Variants in COL6A2 observed in about 807,000 individuals in gnomAD.
COL6A2 encodes collagen alpha-2(VI) chain.
A neutral mutation model predicts 124.9 loss-of-function variants in COL6A2; 90 were observed. The observed-to-expected ratio is 0.72, with a 90% CI of 0.61 to 0.86. The LOEUF (loss-of-function observed/expected upper bound fraction) is 0.86. COL6A2 is among the 40% of genes least tolerant of loss of function. COL6A2 has a pLI of 0.00. For synonymous variants in COL6A2, 793 were observed against 618.2 expected, an observed-to-expected ratio of 1.28 and a Z score of -4.19; for missense variants, 1,607 against 1,502.5, an observed-to-expected ratio of 1.07 and a Z score of -1.15.
At chr21:46,127,838 C>T (rs946318064) in intron 27 of COL6A2, among the ~76,000 whole-genome samples, 1 of 152,184 alleles carries the variant, frequency 6.6e-6, no homozygotes, top group Admixed American at 6.5e-5. Flanking sequence ...TGTCACGTGA[C>T]CTTTCCTCTT....
At chr21:46,118,918 C>G in intron 13 of COL6A2, 112 bp from the exon 14 acceptor site, 3 of 1,016,030 alleles carry the variant, frequency 3.0e-6, no homozygotes, top group Non-Finnish European at 3.0e-6. Context: ...ATGTGCCTGG[C>G]AAGCAGATTC....
chr21:46,125,648 C>CG (rs753358854), intron 25 of COL6A2, 31 bp downstream of exon 25: 11 of 571,674 alleles, frequency 1.9e-5, no homozygotes, highest in Non-Finnish European at 2.9e-5. Flanking sequence ...TGCAGCATTG[C>CG]GGGGGGCCGG....
Position 46,112,462 on chromosome 21 carries a change from G to T in COL6A2, c.599G>T (p.Gly200Val), listed in dbSNP as rs1382448759. Reference sequence around the variant, plus strand: ...CCCAACCAGAACCTGAAGGAGCAGGGCCTGCGGGACATCGCCAGCACGCCG... The same window carrying T: ...CCCAACCAGAACCTGAAGGAGCAGGTCCTGCGGGACATCGCCAGCACGCCG... The part of the protein sequence containing the change: ...VAPNQNLKEQ[G>V]LRDIASTPHE... Residue 200 changes from glycine to valine, a missense_variant, in exon 3 of 28, where the codon GGC (glycine) becomes GTC (valine). Gly to Val is a moderately radical substitution (Grantham distance 109). Transcript: ENST00000300527. 1 of 1,610,660 alleles carries T rather than the reference G, an allele frequency of 6.2e-7. No individual in the cohort carries two copies. Among genetic ancestry groups the T allele is most frequent in the Admixed American group, 1.7e-5 (1 of 59,988 alleles).
chr21:46,100,566 C>T (rs2078278474), intron 1 of COL6A2, among the ~76,000 whole-genome samples: 1 of 152,146 alleles, frequency 6.6e-6, no homozygotes, highest in East Asian at 1.9e-4. Context: ...CGCATCACCC[C>T]TTCCCTCCCC....
rs369570961 is a variant in COL6A2 at position 46,122,949 on chromosome 21, C to T, written c.1671+12C>T. ...AGAAAGGAGAGCCTGTGAGTGTCAC[C>T]GTCCCGAAGCCCACAGCAGCTGGGC... is the stretch of plus-strand genomic sequence containing the variant. On this transcript the variant is annotated intron_variant, in intron 21 of 27. Transcript: ENST00000300527. 73 of 1,612,210 alleles carry T rather than the reference C, an allele frequency of 4.5e-5. No individual in the cohort carries two copies. The highest frequency in any genetic ancestry group is 5.4e-5 in the Non-Finnish European group (64 of 1,179,402).
At chr21:46,127,944 G>A (rs12329660) in intron 27 of COL6A2, among the ~76,000 whole-genome samples, 1 of 152,244 alleles carries the variant, frequency 6.6e-6, no homozygotes, top group South Asian at 2.1e-4. Context: ...AAACCCACCT[G>A]GCCGTGGTGT....
chr21:46,128,974 C>G lies in COL6A2; in HGVS notation c.2461+2433C>G. 4 of 1,609,114 alleles carry G rather than the reference C, an allele frequency of 2.5e-6. No individual in the cohort carries two copies. The South Asian group carries it at 4.4e-5, about 18-fold the overall frequency. On this transcript the variant is annotated intron_variant, in intron 27 of 27. Coordinates refer to ENST00000300527, the MANE Select transcript of COL6A2 (RefSeq NM_001849.4). The stretch of plus-strand genomic sequence containing the variant: ...GGTGTCCCCCAAAGGTGCCACCGTG[C>G]GGGTCTCCTAGCTCCCTGCCAGCTT...
At chr21:46,120,194 C>A (rs1293870238) in intron 15 of COL6A2, among the ~76,000 whole-genome samples, 1 of 107,466 alleles carries the variant, frequency 9.3e-6, no homozygotes, top group Non-Finnish European at 2.0e-5. Context: ...AGGGGTGATG[C>A]TGAAGGGCTG....
chr21:46,119,309 G>A (rs888644250), intron 14 of COL6A2, among the ~76,000 whole-genome samples, 190 bp downstream of exon 14: 22 of 152,180 alleles, frequency 1.4e-4, no homozygotes, highest in African/African-American at 5.3e-4. Context: ...GGACTTAGAG[G>A]TAAAGCCCAG....
chr21:46,115,708 CAG>C (rs1380050753), intron 5 of COL6A2, among the ~76,000 whole-genome samples, 162 bp from the exon 6 acceptor site: 1 of 152,220 alleles, frequency 6.6e-6, no homozygotes, highest in Non-Finnish European at 1.5e-5. Flanking sequence ...CCTTGTCTGA[CAG>C]AGGCTGGCCC....
At chr21:46,109,249 C>A (rs1366013300) in intron 1 of COL6A2, among the ~76,000 whole-genome samples, 1 of 152,092 alleles carries the variant, frequency 6.6e-6, no homozygotes, top group African/African-American at 2.4e-5. Context: ...CCCTTCAGGT[C>A]CTGAAGCTCT....
Position 46,116,969 on chromosome 21 carries a change from C to A in COL6A2, c.999+155C>A, listed in dbSNP as rs943758089. On this transcript the variant is annotated intron_variant, in intron 10 of 27. Coordinates refer to ENST00000300527, the MANE Select transcript of COL6A2 (RefSeq NM_001849.4). This position sits in a 1 kb window ranked among gnomAD's most constrained non-coding sequence, Gnocchi z 4.6. ...CACACACACACACGAACTTCAGCTCCTGCCACATCCCACTGCCCCACCCAG... is the reference window on the plus strand; with the variant it reads ...CACACACACACACGAACTTCAGCTCATGCCACATCCCACTGCCCCACCCAG... Among the ~76,000 whole-genome samples the A allele has an allele frequency of 6.7e-6, 1 of 149,178 alleles. No homozygotes were observed. Among genetic ancestry groups the A allele is most frequent in the African/African-American group, 2.5e-5 (1 of 39,956 alleles).
Position 46,132,691 on chromosome 21 carries a change from G to A in COL6A2, c.*139G>A, listed in dbSNP as rs774514501. 235 of 909,418 alleles carry A rather than the reference G, an allele frequency of 2.6e-4. No individual in the cohort carries two copies. The highest frequency in any genetic ancestry group is 2.3e-3 in the South Asian group (150 of 66,260). 56.3% of individuals were successfully genotyped at this position (909,418 alleles called of 1,614,324 possible). ...CCTGCACCTCTCCAGCTCCTCCCAC[G>A]GGGTCCCCGTAGCCCCGGCCCCCGC... On this transcript the variant is annotated 3_prime_UTR_variant, in exon 28 of 28. Transcript: ENST00000300527.
intron 6 of COL6A2, 40 bp downstream of exon 6, chr21:46,115,965 A>G (rs1568928873): frequency 6.2e-7 from 1 of 1,612,508 alleles, no homozygotes; most frequent in Non-Finnish European, 8.5e-7. Context: ...CCTGCAGCCC[A>G]GCGCCCCAGG....
rs190050832 is a variant in COL6A2, at chr21:46,128,004, G to A, written c.2461+1463G>A. The stretch of plus-strand genomic sequence containing the variant: ...CCTGATTCGCTGATGCCTGCCTGAG[G>A]GTTTGCGCTTATCGGCGACATCAGC... On this transcript the variant is annotated intron_variant, in intron 27 of 27. Transcript: ENST00000300527. 9.2e-4 allele frequency among the ~76,000 whole-genome samples: 140 copies of A among 152,320 alleles called. 1 individual carries two copies. Among genetic ancestry groups the A allele is most frequent in the Non-Finnish European group, 3.5e-4 (24 of 68,016 alleles).
chr21:46,119,031 G>C lies in COL6A2; in HGVS notation c.1181G>C (p.Gly394Ala), dbSNP rs756966358. The C allele has an allele frequency of 6.2e-7, 1 of 1,610,080 alleles. No individual in the cohort carries two copies. Among genetic ancestry groups the C allele is most frequent in the Non-Finnish European group, 8.5e-7 (1 of 1,177,512 alleles). Reference protein sequence around the residue: ...PGEIGAKGSKGYQGNSGAPGS... With the variant: ...PGEIGAKGSKAYQGNSGAPGS... Reference sequence around the variant, plus strand: ...CTGTGCTGTCCTCTCCTTCTTCAGGGGTATCAAGGCAACAGTGGAGCCCCA... The same window carrying C: ...CTGTGCTGTCCTCTCCTTCTTCAGGCGTATCAAGGCAACAGTGGAGCCCCA... Residue 394 changes from glycine to alanine, a missense_variant and splice_region_variant, in exon 14 of 28, where the codon GGG (glycine) becomes GCG (alanine). Gly to Ala is a moderately conservative substitution (Grantham distance 60). Around this residue, in one of 3 missense-constraint regions of COL6A2, gnomAD observed 1,223 missense variants for 1,052.2 expected, o/e 1.16. Coordinates refer to ENST00000300527, the MANE Select transcript of COL6A2 (RefSeq NM_001849.4).
chr21:46,100,690 A>AG (rs34846547), intron 1 of COL6A2, among the ~76,000 whole-genome samples: 1 of 151,322 alleles, frequency 6.6e-6, no homozygotes, highest in Non-Finnish European at 1.5e-5. Context: ...ACGTGGCTTA[A>AG]TGTCCTCCAG....
chr21:46,110,669 G>A (rs997934828), intron 1 of COL6A2, among the ~76,000 whole-genome samples: 7 of 152,200 alleles, frequency 4.6e-5, no homozygotes, highest in Admixed American at 2.0e-4. Context: ...AGGAGAGGGC[G>A]GCACTCCAAT....
intron 23 of COL6A2, 131 bp downstream of exon 23, chr21:46,125,051 TCAGAGAG>T: frequency 7.9e-7 from 1 of 1,262,252 alleles, no homozygotes; most frequent in Non-Finnish European, 1.2e-6. Context: ...GAGGGCAAGG[TCAGAGAG>T]CAAGCTTGGT....
Sources: allele counts gnomAD v4.1 joint callset (sites outside exome capture counted in the v4.1 genomes callset), GRCh38; gene constraint gnomAD v4.1.1; regional missense constraint gnomAD v4.1.1; non-coding constraint Gnocchi (gnomAD v3.1); transcripts MANE v1.5; gene names NCBI Gene and HGNC (gene_info 2026-07-23, HGNC 2026-07-21).